BRAP: variants seen among roughly 807,000 people sequenced by gnomAD.
BRAP encodes the protein BRCA1 associated protein, also known as BRCA1-associated protein.
A neutral mutation model predicts 73.4 loss-of-function variants in BRAP; 42 were observed. The observed-to-expected ratio is 0.57, with a 90% CI of 0.45 to 0.74. The LOEUF is 0.74. Ranked by LOEUF, BRAP falls within the 30% of genes least tolerant of loss-of-function variation. The pLI is 0.00. For missense variants in BRAP, 593 were observed against 751.4 expected (o/e 0.79, Z 2.46); for synonymous variants, 255 against 267.4 (o/e 0.95, Z 0.45).
intron 5 of BRAP, among the ~76,000 whole-genome samples, chr12:111,669,598 T>C (rs561041235): frequency 6.6e-6 from 1 of 152,302 alleles, no homozygotes; most frequent in African/African-American, 2.4e-5. Context: ...CCATTTCTGA[T>C]TTATTATCTG....
At chr12:111,656,712 C>G (rs1418445646) in intron 9 of BRAP, among the ~76,000 whole-genome samples, 1 of 152,098 alleles carries the variant, frequency 6.6e-6, no homozygotes, top group Non-Finnish European at 1.5e-5. Flanking sequence ...CAGTGGCTGA[C>G]AGCAAAGATT....
rs1885979547 is a variant in BRAP at position 111,643,561 on chromosome 12, G to C, written c.*638C>G. On this transcript the variant is annotated 3_prime_UTR_variant, in exon 12 of 12. Coordinates refer to ENST00000419234, the MANE Select transcript of BRAP (RefSeq NM_006768.5). ...CACTGAGTCTACCCAATGTGCCCCG[G>C]GTTGTTTGTTTTTCCTGGCTGGCCC... 6.6e-6 allele frequency: 1 copy of C among 152,152 alleles called. No homozygotes were observed. The highest frequency in any genetic ancestry group is 2.4e-5 in the African/African-American group (1 of 41,414). 9.4% of individuals were successfully genotyped at this position (152,152 alleles called of 1,614,324 possible). A position where few individuals can be genotyped will look rare whatever the true frequency, so the allele number is the denominator to read the frequency against.
chr12:111,659,568 C>A (rs1413551965), intron 7 of BRAP, among the ~76,000 whole-genome samples: 1 of 152,172 alleles, frequency 6.6e-6, no homozygotes, highest in Non-Finnish European at 1.5e-5. Flanking sequence ...GCAAGAGAAT[C>A]GCTTGAACCC....
chr12:111,681,583 C>CAAAAAAAA, intron 3 of BRAP, 54 bp downstream of exon 3: 3 of 1,116,116 alleles, frequency 2.7e-6, no homozygotes, highest in South Asian at 3.4e-5. Context: ...TAAAGCAAAG[C>CAAAAAAAA]AAAAAAAAAA....
chr12:111,685,664 G>A (rs368382633), intron 1 of BRAP, 47 bp downstream of exon 1: 4 of 1,569,372 alleles, frequency 2.5e-6, no homozygotes, highest in South Asian at 1.2e-5. Flanking sequence ...GAAGCCCTCC[G>A]GGCCCAGACC....
chr12:111,649,257 ATCC>A (rs1309659609), intron 11 of BRAP, among the ~76,000 whole-genome samples: 1 of 152,062 alleles, frequency 6.6e-6, no homozygotes, highest in African/African-American at 2.4e-5. Flanking sequence ...GACTCATGTG[ATCC>A]TCCTACTTCA....
intron 1 of BRAP, chr12:111,685,477 A>G: frequency 9.9e-7 from 1 of 1,006,104 alleles, no homozygotes; most frequent in South Asian, 2.6e-5. Flanking sequence ...CCAGGTATAA[A>G]CTAAATGCCC....
chr12:111,666,219 A>T (rs1466526423), intron 5 of BRAP, among the ~76,000 whole-genome samples: 1 of 152,222 alleles, frequency 6.6e-6, no homozygotes, highest in Non-Finnish European at 1.5e-5. Context: ...CTCTGCCCTT[A>T]CAGAACTGAC....
intron 6 of BRAP, among the ~76,000 whole-genome samples, chr12:111,662,147 A>G (rs1886780309): frequency 6.6e-6 from 1 of 152,188 alleles, no homozygotes; most frequent in African/African-American, 2.4e-5. Context: ...CTCCACACAA[A>G]ATAATACTAA....
intron 10 of BRAP, among the ~76,000 whole-genome samples, chr12:111,650,486 G>A (rs1275582813): frequency 1.3e-5 from 2 of 152,022 alleles, no homozygotes; most frequent in Admixed American, 6.6e-5. Flanking sequence ...GGCTGGTCTC[G>A]AACACCTGAC....
chr12:111,643,468 T>G lies in BRAP; in HGVS notation c.*731A>C, dbSNP rs1261091903. On this transcript the variant is annotated 3_prime_UTR_variant, in exon 12 of 12. Coordinates refer to ENST00000419234, the MANE Select transcript of BRAP (RefSeq NM_006768.5). ...GGGAACAGCCATTAAGCCTCCTCCT[T>G]AATTGCGGTTCATAATGATGTACGA... 2 of 152,128 alleles carry G rather than the reference T, an allele frequency of 1.3e-5. No homozygotes were observed. The highest frequency in any genetic ancestry group is 6.6e-5 in the Admixed American group (1 of 15,248). The allele number at this position is 152,128 out of a possible 1,614,324, so 9.4% of individuals were successfully genotyped here.
intron 5 of BRAP, among the ~76,000 whole-genome samples, chr12:111,671,859 T>C (rs1378802166): frequency 2.0e-5 from 3 of 151,862 alleles, no homozygotes; most frequent in Admixed American, 2.0e-4. Context: ...CTAATTTTTG[T>C]ATTTTTTGTA....
At chr12:111,678,186 T>C (rs1001009970) in intron 4 of BRAP, among the ~76,000 whole-genome samples, 5 of 134,512 alleles carry the variant, frequency 3.7e-5, no homozygotes, top group Admixed American at 7.6e-5. Flanking sequence ...GAGGTGGAGG[T>C]TGCTGTGAGC....
intron 2 of BRAP, 72 bp from the exon 3 acceptor site, chr12:111,681,907 A>T: frequency 7.2e-7 from 1 of 1,388,436 alleles, no homozygotes; most frequent in Non-Finnish European, 9.7e-7. Context: ...CTAGATTAAA[A>T]TTTCAAGTCA....
intron 4 of BRAP, among the ~76,000 whole-genome samples, chr12:111,677,630 G>A (rs1271507564): frequency 6.6e-6 from 1 of 152,066 alleles, no homozygotes; most frequent in African/African-American, 2.4e-5. Flanking sequence ...ATAAACGTTG[G>A]ATATTATCAT....
Position 111,659,193 on chromosome 12 carries a change from A to T in BRAP, c.1111+14T>A, listed in dbSNP as rs139612457. 1,247 of 1,610,802 alleles carry T rather than the reference A, an allele frequency of 7.7e-4. 7 individuals carry two copies. The African/African-American group carries it at 0.011, about 14-fold the overall frequency. On this transcript the variant is annotated intron_variant, in intron 8 of 11. Transcript: ENST00000419234. ...ACAGAATGAGTCCAAATTAGAAAAG[A>T]GAGTGGTATTCACCTCCAGCATAGT...
chr12:111,645,443 G>C (rs1393357612), intron 11 of BRAP, among the ~76,000 whole-genome samples: 1 of 152,166 alleles, frequency 6.6e-6, no homozygotes, highest in Non-Finnish European at 1.5e-5. Flanking sequence ...GTGACTGACG[G>C]TAAAAATTCT....
rs112724065 is a variant in BRAP at position 111,651,225 on chromosome 12, T to TTAATAATAATAATAATAA, written c.1312-1201_1312-1184dup. Among the ~76,000 whole-genome samples, 177 of 147,062 alleles carry TTAATAATAATAATAATAA rather than the reference T, an allele frequency of 1.2e-3. 1 individual carries two copies. The highest frequency in any genetic ancestry group is 4.4e-3 in the African/African-American group (171 of 38,866). ...TAGCAAGTCTCTAATAGCACTAGCT[T>TTAATAATAATAATAATAA]TAATAATAATAATAATAATAATAAT... On this transcript the variant is annotated intron_variant, in intron 10 of 11. Coordinates refer to ENST00000419234, the MANE Select transcript of BRAP (RefSeq NM_006768.5).
At chr12:111,681,938 G>T in intron 2 of BRAP, 103 bp from the exon 3 acceptor site, 1 of 1,113,132 alleles carries the variant, frequency 9.0e-7, no homozygotes, top group Non-Finnish European at 1.3e-6. Flanking sequence ...CTTTGATAGA[G>T]TAATTACAAT....
Sources: allele counts gnomAD v4.1 joint callset (sites outside exome capture counted in the v4.1 genomes callset), GRCh38; gene constraint gnomAD v4.1.1; transcripts MANE v1.5; gene names NCBI Gene and HGNC (gene_info 2026-07-23, HGNC 2026-07-21).